The following SH2D4B variants were observed in gnomAD, a reference collection of about 807,000 sequenced individuals.
The protein encoded by SH2D4B is SH2 domain containing 4B, also known as SH2 domain-containing protein 4B.
SH2D4B carries 45 observed loss-of-function variants against 61.5 expected under a neutral mutation model. The ratio of observed to expected loss-of-function variants is 0.73; its 90% CI spans 0.58 to 0.94. The LOEUF (loss-of-function observed/expected upper bound fraction) is 0.94, where lower values mean the gene tolerates loss of function less well. Ranked by LOEUF, SH2D4B falls within the 40% of genes least tolerant of loss-of-function variation. The pLI is 0.00. For missense variants in SH2D4B, 572 were observed against 574.2 expected, an observed-to-expected ratio of 1.00 and a Z score of 0.04; for synonymous variants, 224 against 220.4, an observed-to-expected ratio of 1.02 and a Z score of -0.14.
At chr10:80,554,507 T>A (rs903432734) in intron 1 of SH2D4B, among the ~76,000 whole-genome samples, 14 of 152,130 alleles carry the variant, frequency 9.2e-5, no homozygotes, top group African/African-American at 3.4e-4. Flanking sequence ...CATGTGATTG[T>A]GGGGCTTGTC....
chr10:80,573,285 C>T (rs1307952312), intron 3 of SH2D4B, among the ~76,000 whole-genome samples: 4 of 151,568 alleles, frequency 2.6e-5, no homozygotes, highest in African/African-American at 9.7e-5. Flanking sequence ...CGTGCCCGGC[C>T]TATGTTGCAA....
chr10:80,552,598 C>A (rs2039883359), intron 1 of SH2D4B, among the ~76,000 whole-genome samples: 1 of 152,170 alleles, frequency 6.6e-6, no homozygotes, highest in African/African-American at 2.4e-5. Flanking sequence ...CCCTGTAACC[C>A]AATCCCAGCT....
chr10:80,574,042 A>T (rs2132120965), intron 3 of SH2D4B, among the ~76,000 whole-genome samples: 1 of 152,360 alleles, frequency 6.6e-6, no homozygotes, highest in African/African-American at 2.4e-5. Context: ...CTGACCACCT[A>T]ATCCCAAACT....
intron 4 of SH2D4B, among the ~76,000 whole-genome samples, chr10:80,594,234 G>T (rs1025285395): frequency 6.6e-6 from 1 of 152,174 alleles, no homozygotes; most frequent in Non-Finnish European, 1.5e-5. Context: ...TTCTGCATCT[G>T]TTGAGATGAT....
Position 80,538,442 on chromosome 10 carries a change from G to T in SH2D4B, c.111G>T (p.Arg37Ser). The T allele has an allele frequency of 6.7e-7, 1 of 1,500,234 alleles. No individual in the cohort carries two copies. Among genetic ancestry groups the T allele is most frequent in the East Asian group, 2.5e-5 (1 of 39,838 alleles). 92.9% of individuals were successfully genotyped at this position (1,500,234 alleles called of 1,614,324 possible). A position where few individuals can be genotyped will look rare whatever the true frequency, so the allele number is the denominator to read the frequency against. ...ACAAAATGCGGGAGGAGCAGCTGAG[G>T]CGCTGGAAGGAGCGGGAGACTTGGG... ...LFYKMREEQL[R>S]RWKERETWEA... Residue 37 changes from arginine (R) to serine (S), a missense_variant, in exon 1 of 8, where the codon AGG becomes AGT. Physicochemically the swap from Arg to Ser is moderately radical, Grantham distance 110. Transcript: ENST00000646907. The surrounding 1 kb of genome is among the most constrained non-coding windows in gnomAD (Gnocchi z 4.8).
In SH2D4B at chr10:80,581,446, A is replaced by G. The variant is rs189727447; in HGVS notation, c.496-7184A>G. ...ATCCCCGGGACCTCAGAATGTAACTATATTTGGAGATAAGCTCTTTACACA... is the reference window on the plus strand; with the variant it reads ...ATCCCCGGGACCTCAGAATGTAACTGTATTTGGAGATAAGCTCTTTACACA... On this transcript the variant is annotated intron_variant, in intron 3 of 7. Coordinates refer to ENST00000646907, the MANE Select transcript of SH2D4B (RefSeq NM_001388272.1). Among the ~76,000 whole-genome samples the G allele has an allele frequency of 9.2e-4, 140 of 152,324 alleles. 1 individual carries two copies. The highest frequency in any genetic ancestry group is 3.3e-3 in the African/African-American group (136 of 41,564).
chr10:80,592,715 C>CTTTTTTTTTTT (rs60807866), intron 4 of SH2D4B, among the ~76,000 whole-genome samples: 1 of 134,532 alleles, frequency 7.4e-6, no homozygotes, highest in Non-Finnish European at 1.6e-5. Context: ...CTCTCTGTCT[C>CTTTTTTTTTTT]TTTTTTTTTT....
intron 4 of SH2D4B, among the ~76,000 whole-genome samples, chr10:80,596,923 G>C (rs1459712085): frequency 3.9e-5 from 6 of 152,082 alleles, no homozygotes; most frequent in Admixed American, 3.9e-4. Context: ...GTATTCTTGG[G>C]TTCTGCATCT....
chr10:80,605,039 C>G (rs536831644), intron 5 of SH2D4B, among the ~76,000 whole-genome samples: 1 of 152,134 alleles, frequency 6.6e-6, no homozygotes, highest in African/African-American at 2.4e-5. Flanking sequence ...GTGATCTGCC[C>G]ACCTCGGCCT....
Position 80,538,396 on chromosome 10 carries a change from T to C in SH2D4B, c.65T>C (p.Val22Ala), listed in dbSNP as rs762631817. ...GAGCTCCTTGCCGAGCTCAGCGATGTGCAGAAGCACATCCTCTTCTACAAA... is the reference window on the plus strand; with the variant it reads ...GAGCTCCTTGCCGAGCTCAGCGATGCGCAGAAGCACATCCTCTTCTACAAA... ...DPELLAELSD[V>A]QKHILFYKMR... is the part of the protein sequence containing the mutation. Residue 22 changes from valine (V) to alanine (A), a missense_variant, in exon 1 of 8, where the codon GTG becomes GCG. Coordinates refer to ENST00000646907, the MANE Select transcript of SH2D4B (RefSeq NM_001388272.1). This position sits in a 1 kb window ranked among gnomAD's most constrained non-coding sequence, Gnocchi z 4.8. 5.2e-5 allele frequency: 76 copies of C among 1,461,376 alleles called. No homozygotes were observed. The Middle Eastern group carries it at 5.9e-4, about 11-fold the overall frequency. The allele number at this position is 1,461,376 out of a possible 1,614,324, so 90.5% of individuals were successfully genotyped here. A position where few individuals can be genotyped will look rare whatever the true frequency, so the allele number is the denominator to read the frequency against.
intron 6 of SH2D4B, among the ~76,000 whole-genome samples, chr10:80,617,025 G>A (rs1452705858): frequency 6.6e-6 from 1 of 152,276 alleles, no homozygotes; most frequent in Non-Finnish European, 1.5e-5. Context: ...GGTGAAGTCA[G>A]TTGCCCATGG....
chr10:80,551,590 C>T (rs139850224), intron 1 of SH2D4B, among the ~76,000 whole-genome samples: 2 of 152,122 alleles, frequency 1.3e-5, no homozygotes, highest in African/African-American at 2.4e-5. Flanking sequence ...AATGAAGATG[C>T]GAAAATACAT....
chr10:80,550,775 T>G (rs536616660), intron 1 of SH2D4B, among the ~76,000 whole-genome samples: 89 of 152,298 alleles, frequency 5.8e-4, no homozygotes, highest in African/African-American at 2.0e-3. Context: ...TCAGAGAGGT[T>G]TAGCAACCTG....
rs1286474109 is a variant in SH2D4B at position 80,644,654 on chromosome 10, T to C, written c.*569T>C. Reference sequence around the variant, plus strand: ...CTCATTGATATTATCATTGGAATTATCTAAGGTGAGCCCCAGTTTCCAGGG... The same window carrying C: ...CTCATTGATATTATCATTGGAATTACCTAAGGTGAGCCCCAGTTTCCAGGG... On this transcript the variant is annotated 3_prime_UTR_variant, in exon 8 of 8. Transcript: ENST00000646907. The C allele has an allele frequency of 1.3e-5, 2 of 152,252 alleles. No homozygotes were observed. Among genetic ancestry groups the C allele is most frequent in the Non-Finnish European group, 2.9e-5 (2 of 68,076 alleles). The allele number at this position is 152,252 out of a possible 1,614,324, so 9.4% of individuals were successfully genotyped here.
intron 7 of SH2D4B, among the ~76,000 whole-genome samples, chr10:80,635,906 G>T (rs1486160273): frequency 6.6e-6 from 1 of 152,010 alleles, no homozygotes; most frequent in Non-Finnish European, 1.5e-5. Flanking sequence ...CCATTAACTC[G>T]TCATTTACGT....
At chr10:80,540,829 T>C (rs1564762850) in intron 1 of SH2D4B, 7 of 1,550,474 alleles carry the variant, frequency 4.5e-6, no homozygotes, top group Admixed American at 2.0e-5. Context: ...AAAGCAGCCG[T>C]GCCGTGTCCC....
intron 6 of SH2D4B, among the ~76,000 whole-genome samples, chr10:80,633,267 G>A (rs1842854277): frequency 6.6e-6 from 1 of 152,074 alleles, no homozygotes; most frequent in Non-Finnish European, 1.5e-5. Context: ...GTGAGCAAAG[G>A]GACAATGTGT....
intron 3 of SH2D4B, among the ~76,000 whole-genome samples, chr10:80,585,558 G>C (rs1343370690): frequency 1.3e-5 from 2 of 152,186 alleles, no homozygotes; most frequent in Non-Finnish European, 2.9e-5. Flanking sequence ...CAGGTGATCT[G>C]CCTGCCTTGG....
chr10:80,605,738 C>T (rs1026059482), intron 5 of SH2D4B, among the ~76,000 whole-genome samples: 4 of 152,118 alleles, frequency 2.6e-5, no homozygotes, highest in Admixed American at 1.3e-4. Flanking sequence ...AGGCTGGTCT[C>T]GAACTCCTGA....
Sources: gnomAD v4.1 joint callset for allele counts (sites outside exome capture counted in the v4.1 genomes callset) on GRCh38, gnomAD v4.1.1 for gene constraint, Gnocchi (gnomAD v3.1) non-coding constraint, MANE v1.5 for transcripts, NCBI Gene and HGNC (gene_info 2026-07-23, HGNC 2026-07-21) for gene names.